The following LRRC7 variants were observed in gnomAD, a reference collection of about 807,000 sequenced individuals.
LRRC7 encodes leucine-rich repeat-containing protein 7.
In LRRC7, 23 loss-of-function variants were observed where a neutral mutation model predicts 175.7. That is an observed-to-expected ratio of 0.13 (90% CI 0.09 to 0.19). LRRC7 has a LOEUF of 0.19. LRRC7 is among the 10% of genes least tolerant of loss of function. LRRC7 has a pLI of 1.00. For missense variants in LRRC7, 1,354 were observed against 1,904.7 expected, an observed-to-expected ratio of 0.71 and a Z score of 5.38; for synonymous variants, 685 against 680.9, an observed-to-expected ratio of 1.01 and a Z score of -0.09.
In LRRC7 at chr1:70,038,991, A is replaced by T; in HGVS notation, c.3167A>T (p.Gln1056Leu). The change falls in exon 21 of 27, where the codon CAA becomes CTA. Residue 1056 changes from glutamine to leucine, a missense_variant. Coordinates refer to ENST00000651989, the MANE Select transcript of LRRC7 (RefSeq NM_001370785.2). ...LTYGSSKGPQ[Q>L]QKASMTKKVY... ...TACGGAAGTAGTAAGGGGCCACAAC[A>T]ACAAAAAGCTTCTATGACAAAAAAA... The T allele has an allele frequency of 6.2e-7, 1 of 1,614,014 alleles. No individual in the cohort carries two copies. Among genetic ancestry groups the T allele is most frequent in the Admixed American group, 1.7e-5 (1 of 60,026 alleles).
In LRRC7 at chr1:70,137,929, C is replaced by A. The variant is rs1427329395; in HGVS notation, c.*16042C>A. ...ATAGTCCATATGGCTTTATTTCCAA[C>A]AAAATCCCAGAGTTTTTGCTTGCTC... On this transcript the variant is annotated 3_prime_UTR_variant, in exon 27 of 27. Transcript: ENST00000651989. 6.6e-6 allele frequency among the ~76,000 whole-genome samples: 1 copy of A among 152,160 alleles called. No individual in the cohort carries two copies. Among genetic ancestry groups the A allele is most frequent in the African/African-American group, 2.4e-5 (1 of 41,446 alleles).
At chr1:69,569,012 C>T (rs902041016) in intron 1 of LRRC7, among the ~76,000 whole-genome samples, 2 of 152,254 alleles carry the variant, frequency 1.3e-5, no homozygotes, top group South Asian at 4.1e-4. Context: ...TTGGGTATCT[C>T]CAGTCAGCTT....
chr1:69,760,259 G>C lies in LRRC7; in HGVS notation c.169G>C (p.Gly57Arg). 6.2e-7 allele frequency: 1 copy of C among 1,612,780 alleles called. No individual in the cohort carries two copies. The highest frequency in any genetic ancestry group is 8.5e-7 in the Non-Finnish European group (1 of 1,179,298). The change falls in exon 3 of 27, where the codon GGT (glycine) becomes CGT (arginine). Residue 57 changes from glycine to arginine, a missense_variant. This residue lies in a region of LRRC7 where 68 missense variants were observed against 83.4 expected (regional missense o/e 0.82). Transcript: ENST00000651989. Reference protein sequence around the residue: ...GRLVPCRCFRGEEEIISVLDY... With the variant: ...GRLVPCRCFRREEEIISVLDY... ...TCTGGTGCCATGCCGATGTTTCCGA[G>C]GTGAAGAAGAAATCATCTCAGTTTT...
At chr1:69,904,930 T>C (rs1646251318) in intron 7 of LRRC7, among the ~76,000 whole-genome samples, 1 of 152,188 alleles carries the variant, frequency 6.6e-6, no homozygotes. Flanking sequence ...TATTTGGTTT[T>C]CTGTGCCTGC....
intron 11 of LRRC7, among the ~76,000 whole-genome samples, chr1:70,009,339 TTTTC>T (rs1167075058): frequency 2.1e-4 from 32 of 150,434 alleles, no homozygotes; most frequent in East Asian, 1.9e-3. Context: ...ACTTTCTTTT[TTTTC>T]TTTCTTTCTT....
In LRRC7 at chr1:69,748,209, A is replaced by G. The variant is rs193104761; in HGVS notation, c.101-11982A>G. On this transcript the variant is annotated intron_variant, in intron 2 of 26. Coordinates refer to ENST00000651989, the MANE Select transcript of LRRC7 (RefSeq NM_001370785.2). ...TCAGCATTAATTACAATACTAATAAACTTAGAAGATATCAGAAGTTATCTA... is the reference window on the plus strand; with the variant it reads ...TCAGCATTAATTACAATACTAATAAGCTTAGAAGATATCAGAAGTTATCTA... 6.6e-3 allele frequency among the ~76,000 whole-genome samples: 1,006 copies of G among 152,312 alleles called. 4 individuals carry two copies. The highest frequency in any genetic ancestry group is 0.012 in the Non-Finnish European group (789 of 68,016).
intron 1 of LRRC7, among the ~76,000 whole-genome samples, chr1:69,605,322 T>C (rs1386510983): frequency 6.6e-6 from 1 of 152,164 alleles, no homozygotes; most frequent in African/African-American, 2.4e-5. Context: ...CACATGAAAC[T>C]GTGGGTCCAT....
Position 69,724,444 on chromosome 1 carries a change from G to A in LRRC7, c.101-35747G>A, listed in dbSNP as rs12089312. On this transcript the variant is annotated intron_variant, in intron 2 of 26. Coordinates refer to ENST00000651989, the MANE Select transcript of LRRC7 (RefSeq NM_001370785.2). The stretch of plus-strand genomic sequence containing the variant: ...TTTGAGAGATGGATTAGAATAGCAA[G>A]CAACAGGACACATAGCACATAACAT... Among the ~76,000 whole-genome samples the A allele has an allele frequency of 3.3e-3, 510 of 152,282 alleles. 5 individuals are homozygous for A. The highest frequency in any genetic ancestry group is 0.012 in the African/African-American group (497 of 41,560).
intron 4 of LRRC7, among the ~76,000 whole-genome samples, chr1:69,810,862 G>C (rs11209546): frequency 0.016 from 2,501 of 152,144 alleles, 61 homozygotes; most frequent in African/African-American, 0.053. Flanking sequence ...TATAGGCATG[G>C]GCAAAGACCT....
At chr1:69,631,417 G>T (rs182545926) in intron 1 of LRRC7, among the ~76,000 whole-genome samples, 2 of 152,050 alleles carry the variant, frequency 1.3e-5, no homozygotes, top group African/African-American at 4.8e-5. Context: ...TTTGCCATAG[G>T]ACAGCATCTC....
At chr1:70,065,219 C>T (rs142327381) in intron 23 of LRRC7, among the ~76,000 whole-genome samples, 317 of 152,034 alleles carry the variant, frequency 2.1e-3, no homozygotes, top group Non-Finnish European at 3.5e-3. Flanking sequence ...AAAAACTCAG[C>T]TTTTCTTTTA....
intron 7 of LRRC7, 45 bp downstream of exon 7, chr1:69,838,328 C>G (rs750931876): frequency 7.1e-7 from 1 of 1,412,590 alleles, no homozygotes; most frequent in South Asian, 1.2e-5. Flanking sequence ...TGATTTTTTT[C>G]ACTAGTAAGA....
intron 23 of LRRC7, among the ~76,000 whole-genome samples, chr1:70,065,192 G>A (rs939310246): frequency 3.9e-5 from 6 of 151,922 alleles, no homozygotes; most frequent in South Asian, 2.1e-4. Flanking sequence ...AAACTATGTA[G>A]TAAACTGTAA....
chr1:69,677,951 C>A (rs1357652649), intron 1 of LRRC7, among the ~76,000 whole-genome samples: 1 of 151,938 alleles, frequency 6.6e-6, no homozygotes, highest in Non-Finnish European at 1.5e-5. Context: ...GAGAAGTCTA[C>A]CTTTTTCCCT....
In LRRC7 at chr1:70,039,047, C is replaced by G. The variant is rs1309590415; in HGVS notation, c.3223C>G (p.Gln1075Glu). 6.8e-6 allele frequency: 11 copies of G among 1,614,058 alleles called. No homozygotes were observed. Among genetic ancestry groups the G allele is most frequent in the Non-Finnish European group, 9.3e-6 (11 of 1,179,998 alleles). ...VYQFDQSFNP[Q>E]GSVEVKAEKR... is the part of the protein sequence containing the mutation. ...TCAGTTTGACCAAAGCTTCAATCCT[C>G]AAGGATCAGTGGAAGTGAAAGCCGA... The change falls in exon 21 of 27, where the codon CAA becomes GAA. Residue 1075 changes from glutamine (Q) to glutamate (E), a missense_variant. Transcript: ENST00000651989.
chr1:69,907,529 T>C (rs1471622616), intron 7 of LRRC7, among the ~76,000 whole-genome samples: 1 of 152,212 alleles, frequency 6.6e-6, no homozygotes, highest in Admixed American at 6.5e-5. Flanking sequence ...CACGTGGTTT[T>C]TGTCTTTGGT....
chr1:69,625,179 G>T (rs1300400088), intron 1 of LRRC7, among the ~76,000 whole-genome samples: 1 of 151,606 alleles, frequency 6.6e-6, no homozygotes, highest in Non-Finnish European at 1.5e-5. Context: ...ATAGTTAAAA[G>T]GAGTATTTTG....
At chr1:69,787,726 C>T (rs979148239) in intron 3 of LRRC7, among the ~76,000 whole-genome samples, 3 of 152,092 alleles carry the variant, frequency 2.0e-5, no homozygotes, top group African/African-American at 7.2e-5. Context: ...AGACACTTTC[C>T]CCATTGCTTT....
Position 70,143,113 on chromosome 1 carries a change from T to G in LRRC7, c.*21226T>G, listed in dbSNP as rs1174440328. The G allele has an allele frequency of 6.6e-6, 1 of 152,044 alleles. No homozygotes were observed. Among genetic ancestry groups the G allele is most frequent in the East Asian group, 1.9e-4 (1 of 5,194 alleles). The allele number at this position is 152,044 out of a possible 1,614,324, so 9.4% of individuals were successfully genotyped here. On this transcript the variant is annotated 3_prime_UTR_variant, in exon 27 of 27. Coordinates refer to ENST00000651989, the MANE Select transcript of LRRC7 (RefSeq NM_001370785.2). ...CTCATATAATTCAGTTAGTGAAATA[T>G]TTCACTCTTCTGTAAGTTTAAGAAA...
Sources: allele counts gnomAD v4.1 joint callset (sites outside exome capture counted in the v4.1 genomes callset), GRCh38; gene constraint gnomAD v4.1.1; regional missense constraint gnomAD v4.1.1; transcripts MANE v1.5; gene names NCBI Gene and HGNC (gene_info 2026-07-23, HGNC 2026-07-21).